EBF4: variants seen among roughly 807,000 people sequenced by gnomAD.
EBF4 encodes EBF transcription factor 4.
EBF4 carries 34 observed loss-of-function variants against 67.1 expected under a neutral mutation model. That is an observed-to-expected ratio of 0.51 (90% CI 0.39 to 0.67). The LOEUF (loss-of-function observed/expected upper bound fraction) is 0.67, where lower values mean the gene tolerates loss of function less well. Ranked by LOEUF, EBF4 falls within the 30% of genes least tolerant of loss-of-function variation. EBF4 has a pLI of 0.00. For missense variants in EBF4, 837 were observed against 873.3 expected (o/e 0.96, Z 0.52); for synonymous variants, 387 against 377.7 (o/e 1.02, Z -0.29).
chr20:2,723,453 C>G (rs1484265979), intron 6 of EBF4, among the ~76,000 whole-genome samples: 1 of 151,984 alleles, frequency 6.6e-6, no homozygotes, highest in Non-Finnish European at 1.5e-5. Flanking sequence ...CGGGTTCACG[C>G]CATTCTCCCG....
upstream of EBF4, chr20:2,693,531 C>T: frequency 8.1e-7 from 1 of 1,234,186 alleles, no homozygotes; most frequent in Non-Finnish European, 1.0e-6. This position sits in a 1 kb window ranked among gnomAD's most constrained non-coding sequence, Gnocchi z 4.6. Context: ...CACCCGGACT[C>T]GGCGCTGCGC....
intron 1 of EBF4, among the ~76,000 whole-genome samples, chr20:2,704,111 T>C (rs2087416561): frequency 6.6e-6 from 1 of 152,136 alleles, no homozygotes; most frequent in Admixed American, 6.5e-5. Flanking sequence ...AGTTATATGC[T>C]ATTACTCCTG....
intron 6 of EBF4, among the ~76,000 whole-genome samples, chr20:2,726,700 C>A (rs1432660950): frequency 1.3e-5 from 2 of 151,998 alleles, no homozygotes; most frequent in African/African-American, 2.4e-5. Flanking sequence ...CCCAAATATT[C>A]TTGATTATTT....
At chr20:2,704,458 G>A (rs557337235) in intron 1 of EBF4, among the ~76,000 whole-genome samples, 60 of 152,264 alleles carry the variant, frequency 3.9e-4, no homozygotes, top group African/African-American at 1.3e-3. Context: ...GATCTGGCAC[G>A]AACTTCCAGT....
At chr20:2,714,183 G>C (rs561627424) in intron 6 of EBF4, among the ~76,000 whole-genome samples, 1 of 152,252 alleles carries the variant, frequency 6.6e-6, no homozygotes, top group South Asian at 2.1e-4. Flanking sequence ...CTCTTACTCT[G>C]AGTGAGGTTG....
At position 2,755,575 on chromosome 20, in the gene EBF4, G is replaced by A; in HGVS notation, c.1541-52G>A. ...CACTCTGGTGCTGTCTCCCTGTTGTGTCTCCCACCACCTTCCCTGCTGCGC... is the reference window on the plus strand; with the variant it reads ...CACTCTGGTGCTGTCTCCCTGTTGTATCTCCCACCACCTTCCCTGCTGCGC... On this transcript the variant is annotated intron_variant, in intron 14 of 16. Transcript: ENST00000609451. The surrounding 1 kb of genome is among the most constrained non-coding windows in gnomAD (Gnocchi z 4.7). 1.1e-6 allele frequency: 1 copy of A among 909,370 alleles called. No individual in the cohort carries two copies. The allele number at this position is 909,370 out of a possible 1,614,324, so 56.3% of individuals were successfully genotyped here. A position where few individuals can be genotyped will look rare whatever the true frequency, so the allele number is the denominator to read the frequency against.
intron 6 of EBF4, among the ~76,000 whole-genome samples, chr20:2,733,815 G>GAA (rs202216825): frequency 3.7e-5 from 4 of 106,774 alleles, no homozygotes; most frequent in Non-Finnish European, 6.0e-5. Context: ...TAGCTGATGA[G>GAA]AAAAAAAAAA....
chr20:2,712,671 G>C (rs2087559692), intron 6 of EBF4, among the ~76,000 whole-genome samples: 2 of 152,178 alleles, frequency 1.3e-5, no homozygotes. Flanking sequence ...TCATCGAGGG[G>C]ATGAGTGTTG....
intron 6 of EBF4, among the ~76,000 whole-genome samples, chr20:2,742,134 A>T (rs549479499): frequency 3.9e-5 from 6 of 152,322 alleles, no homozygotes; most frequent in Admixed American, 6.5e-5. Context: ...CCCACTTAGA[A>T]GGACTTCTAG....
At chr20:2,749,050 C>G (rs547836827) in intron 7 of EBF4, among the ~76,000 whole-genome samples, 4 of 152,210 alleles carry the variant, frequency 2.6e-5, no homozygotes, top group Non-Finnish European at 5.9e-5. Context: ...CCGGCTGATG[C>G]TGCCCACCTC....
At chr20:2,737,014 C>T (rs537735369) in intron 6 of EBF4, among the ~76,000 whole-genome samples, 6 of 151,904 alleles carry the variant, frequency 3.9e-5, no homozygotes, top group East Asian at 1.9e-4. Flanking sequence ...CTTTGGGAGG[C>T]CAAGGTGGGC....
intron 1 of EBF4, among the ~76,000 whole-genome samples, chr20:2,694,720 G>A (rs189150450): frequency 6.6e-6 from 1 of 152,224 alleles, no homozygotes; most frequent in East Asian, 1.9e-4. Context: ...TGAATGGGGG[G>A]CTTAATGCAG....
chr20:2,699,146 C>T (rs769205077), intron 1 of EBF4, among the ~76,000 whole-genome samples: 15 of 152,150 alleles, frequency 9.9e-5, no homozygotes, highest in Admixed American at 6.5e-5. Flanking sequence ...AGGAGCATCT[C>T]CCGGGACCTG....
chr20:2,694,106 C>T (rs2087253286), intron 1 of EBF4, among the ~76,000 whole-genome samples: 1 of 152,246 alleles, frequency 6.6e-6, no homozygotes, highest in Admixed American at 6.5e-5. Context: ...GACCCACAGC[C>T]ACCGGCCGTC....
Position 2,755,607 on chromosome 20 carries a change from C to CT in EBF4, c.1541-19dup. 14 of 1,209,608 alleles carry CT rather than the reference C, an allele frequency of 1.2e-5. No individual in the cohort carries two copies. Among genetic ancestry groups the CT allele is most frequent in the South Asian group, 6.5e-5 (5 of 77,160 alleles). The allele number at this position is 1,209,608 out of a possible 1,614,324, so 74.9% of individuals were successfully genotyped here. On this transcript the variant is annotated intron_variant, in intron 14 of 16. Coordinates refer to ENST00000609451, the Ensembl canonical transcript of EBF4. This position sits in a 1 kb window ranked among gnomAD's most constrained non-coding sequence, Gnocchi z 4.7. ...ACCACCTTCCCTGCTGCGCCTGCCC[C>CT]TCCCCGCCCCGCCCCGGAGTCATGC... is the stretch of plus-strand genomic sequence containing the variant.
chr20:2,741,284 T>A (rs778169120), intron 6 of EBF4, among the ~76,000 whole-genome samples: 1 of 151,930 alleles, frequency 6.6e-6, no homozygotes, highest in Non-Finnish European at 1.5e-5. Flanking sequence ...TGCACTCCAG[T>A]CTGGGTGACA....
intron 6 of EBF4, among the ~76,000 whole-genome samples, chr20:2,737,075 C>T (rs1316271790): frequency 7.9e-5 from 12 of 151,700 alleles, no homozygotes; most frequent in South Asian, 2.1e-4. Flanking sequence ...CGGTGAAACC[C>T]CGTCTCTACT....
intron 6 of EBF4, among the ~76,000 whole-genome samples, chr20:2,740,185 C>T (rs1026552008): frequency 6.6e-6 from 1 of 152,116 alleles, no homozygotes; most frequent in Non-Finnish European, 1.5e-5. Context: ...TGGTGGCAGT[C>T]GCCTTTAGTC....
exon 14 of EBF4, chr20:2,752,505 C>T: frequency 1.6e-6 from 2 of 1,256,916 alleles, no homozygotes; most frequent in Non-Finnish European, 2.0e-6. Context: ...CTGGGTCCCC[C>T]AGCTTCCTCA....
Sources: allele counts gnomAD v4.1 joint callset (sites outside exome capture counted in the v4.1 genomes callset), GRCh38; gene constraint gnomAD v4.1.1; non-coding constraint Gnocchi (gnomAD v3.1); transcripts MANE v1.5; gene names NCBI Gene and HGNC (gene_info 2026-07-23, HGNC 2026-07-21).